CDH11: variants seen among roughly 807,000 people sequenced by gnomAD.
CDH11 encodes cadherin-11.
CDH11 carries 11 observed loss-of-function variants against 67.8 expected under a neutral mutation model. The observed-to-expected ratio is 0.16, with a 90% CI of 0.10 to 0.27. CDH11 has a LOEUF of 0.27. Ranked by LOEUF, CDH11 falls within the 10% of genes least tolerant of loss-of-function variation. CDH11 has a pLI of 1.00. For missense variants in CDH11, 847 were observed against 1,031.2 expected (o/e 0.82, Z 2.45); for synonymous variants, 419 against 400.0 (o/e 1.05, Z -0.57).
At chr16:64,993,068 C>G (rs2072671779) in intron 4 of CDH11, 34 bp from the exon 5 acceptor site, 2 of 1,572,970 alleles carry the variant, frequency 1.3e-6, no homozygotes, top group Non-Finnish European at 1.7e-6. Flanking sequence ...AGCAACATCT[C>G]CTCAGATTTT....
intron 2 of CDH11, among the ~76,000 whole-genome samples, chr16:65,027,600 C>T (rs1222580220): frequency 2.0e-5 from 3 of 152,310 alleles, no homozygotes; most frequent in Non-Finnish European, 4.4e-5. Flanking sequence ...TACTGTAAAC[C>T]ATGAACTTGG....
At chr16:65,020,547 T>G (rs2073402951) in intron 2 of CDH11, among the ~76,000 whole-genome samples, 1 of 152,164 alleles carries the variant, frequency 6.6e-6, no homozygotes, top group South Asian at 2.1e-4. Context: ...GCCAGGCTGG[T>G]CTTGAACTCC....
rs547651516 is a variant in CDH11, at chr16:65,058,291, ATAGT to A, written c.-297-4367_-297-4364del. Among the ~76,000 whole-genome samples the A allele has an allele frequency of 1.8e-4, 27 of 152,370 alleles. No homozygotes were observed. The South Asian group carries it at 2.1e-3, about 12-fold the overall frequency. On this transcript the variant is annotated intron_variant, in intron 1 of 12. Coordinates refer to ENST00000268603, the MANE Select transcript of CDH11 (RefSeq NM_001797.4). The stretch of plus-strand genomic sequence containing the variant: ...TGGGATATTTTGGATATTTTGGAAC[ATAGT>A]TAGTTAAAGCAAACTATAATTAAAT...
At chr16:65,040,976 C>T (rs2073856614) in intron 2 of CDH11, among the ~76,000 whole-genome samples, 2 of 152,122 alleles carry the variant, frequency 1.3e-5, no homozygotes, top group African/African-American at 2.4e-5. Flanking sequence ...CCAGAAGCAA[C>T]CTCATAGCCA....
intron 11 of CDH11, among the ~76,000 whole-genome samples, chr16:64,970,524 G>T (rs2071976363): frequency 6.6e-6 from 1 of 152,122 alleles, no homozygotes; most frequent in African/African-American, 2.4e-5. Context: ...CCTACCTATG[G>T]TGGTGTTAAG....
At chr16:64,967,210 C>A (rs955759317) in intron 11 of CDH11, among the ~76,000 whole-genome samples, 4 of 152,062 alleles carry the variant, frequency 2.6e-5, no homozygotes, top group Admixed American at 1.3e-4. Context: ...AGTAATTCCA[C>A]TCTAGGAGTT....
At position 65,015,015 on chromosome 16, in the gene CDH11, TTTATTATTATTATTATTA is replaced by T. The variant is rs71143548; in HGVS notation, c.-172-9992_-172-9975del. On this transcript the variant is annotated intron_variant, in intron 2 of 12. Transcript: ENST00000268603. ...GGCATAGGCCACCATGCCTGGCTAA[TTTATTATTATTATTATTA>T]TTATTATTATTATTATTATTGAGAG... 2.9e-5 allele frequency among the ~76,000 whole-genome samples: 4 copies of T among 135,890 alleles called. No homozygotes were observed. In the East Asian group the frequency reaches 6.4e-4, roughly 22 times the overall value. 89.1% of individuals were successfully genotyped at this position (135,890 alleles called of 152,430 possible). A position where few individuals can be genotyped will look rare whatever the true frequency, so the allele number is the denominator to read the frequency against.
At position 65,044,134 on chromosome 16, in the gene CDH11, G is replaced by A. The variant is rs73581605; in HGVS notation, c.-173+9670C>T. ...AAGCTCTCAGCAGCAGAAGGCAGGT[G>A]AATGGAGACCATGCTCTTATTCCTG... On this transcript the variant is annotated intron_variant, in intron 2 of 12. Coordinates refer to ENST00000268603, the MANE Select transcript of CDH11 (RefSeq NM_001797.4). Among the ~76,000 whole-genome samples the A allele has an allele frequency of 6.8e-3, 1,032 of 152,302 alleles. 14 individuals are homozygous for A. The highest frequency in any genetic ancestry group is 0.024 in the African/African-American group (1,000 of 41,572).
chr16:65,117,936 T>C (rs2075269804), intron 1 of CDH11, among the ~76,000 whole-genome samples: 1 of 152,106 alleles, frequency 6.6e-6, no homozygotes, highest in Non-Finnish European at 1.5e-5. Flanking sequence ...TTTCCCAACT[T>C]TCTAGTAAAC....
At chr16:65,002,152 G>C (rs2072935632) in intron 3 of CDH11, among the ~76,000 whole-genome samples, 1 of 152,108 alleles carries the variant, frequency 6.6e-6, no homozygotes, top group African/African-American at 2.4e-5. Flanking sequence ...TATCCAACCG[G>C]ACATCAGATT....
At chr16:64,967,661 A>C (rs748178621) in intron 11 of CDH11, among the ~76,000 whole-genome samples, 7 of 152,172 alleles carry the variant, frequency 4.6e-5, no homozygotes, top group Non-Finnish European at 7.3e-5. Flanking sequence ...TGGGAAAATT[A>C]GTGGACATAT....
intron 2 of CDH11, among the ~76,000 whole-genome samples, chr16:65,011,015 G>T (rs889886706): frequency 2.1e-5 from 3 of 144,388 alleles, no homozygotes; most frequent in Admixed American, 1.4e-4. Context: ...GTATATATAT[G>T]TGTATATATA....
intron 8 of CDH11, among the ~76,000 whole-genome samples, chr16:64,980,585 TAGGAGACAGC>T (rs1398471631): frequency 2.0e-5 from 3 of 152,134 alleles, no homozygotes; most frequent in African/African-American, 7.2e-5. Flanking sequence ...GTCCAGGGAT[TAGGAGACAGC>T]AGGAGAGCTT....
chr16:64,995,994 G>C (rs2072753236), intron 4 of CDH11, among the ~76,000 whole-genome samples: 1 of 152,110 alleles, frequency 6.6e-6, no homozygotes, highest in Non-Finnish European at 1.5e-5. Context: ...AAAAAAATTG[G>C]TCGTCATTAA....
At chr16:65,109,427 A>C (rs908472465) in intron 1 of CDH11, among the ~76,000 whole-genome samples, 2 of 152,188 alleles carry the variant, frequency 1.3e-5, no homozygotes. Flanking sequence ...GAAAGTTTTT[A>C]ACTGTGTGTC....
At chr16:65,122,082 G>A (rs1379479743), upstream of CDH11, 1 of 604,216 alleles carries the variant, frequency 1.7e-6, no homozygotes, top group African/African-American at 2.0e-5. Context: ...GAGCGCGCTA[G>A]TGGCAGGAAT....
intron 2 of CDH11, among the ~76,000 whole-genome samples, chr16:65,042,314 G>A (rs2073880810): frequency 6.6e-6 from 1 of 152,178 alleles, no homozygotes; most frequent in South Asian, 2.1e-4. Context: ...TGAAGAATTA[G>A]ACACAATGAG....
chr16:65,068,458 CAT>C (rs2074358767), intron 1 of CDH11, among the ~76,000 whole-genome samples: 1 of 142,730 alleles, frequency 7.0e-6, no homozygotes, highest in Admixed American at 7.0e-5. Context: ...GAGATGATGA[CAT>C]GATTGGATCT....
chr16:65,047,592 T>C (rs2073985059), intron 2 of CDH11, among the ~76,000 whole-genome samples: 1 of 152,092 alleles, frequency 6.6e-6, no homozygotes, highest in Admixed American at 6.5e-5. Flanking sequence ...CCTTGTGATC[T>C]GCCCACCTTG....
Sources: gnomAD v4.1 joint callset for allele counts (sites outside exome capture counted in the v4.1 genomes callset) on GRCh38, gnomAD v4.1.1 for gene constraint, MANE v1.5 for transcripts, NCBI Gene and HGNC (gene_info 2026-07-23, HGNC 2026-07-21) for gene names.